The following SIPA1L1 variants were observed in gnomAD, a reference collection of about 807,000 sequenced individuals.
SIPA1L1 encodes the protein signal-induced proliferation-associated 1-like protein 1.
In SIPA1L1, 26 loss-of-function variants were observed where a neutral mutation model predicts 162.7. The observed-to-expected ratio is 0.16, with a 90% CI of 0.12 to 0.22. SIPA1L1 has a LOEUF of 0.22. SIPA1L1 is among the 10% of genes least tolerant of loss of function. SIPA1L1 has a pLI of 1.00. For missense variants in SIPA1L1, 1,874 were observed against 2,241.0 expected, an observed-to-expected ratio of 0.84 and a Z score of 3.31; for synonymous variants, 829 against 837.4, an observed-to-expected ratio of 0.99 and a Z score of 0.17.
At chr14:71,502,084 T>C (rs928072531) in intron 2 of SIPA1L1, among the ~76,000 whole-genome samples, 4 of 149,174 alleles carry the variant, frequency 2.7e-5, no homozygotes, top group African/African-American at 4.9e-5. Flanking sequence ...TTTTTTTTTT[T>C]TTCTTCTGTG....
intron 4 of SIPA1L1, among the ~76,000 whole-genome samples, chr14:71,531,869 G>A (rs976155400): frequency 2.0e-5 from 3 of 152,134 alleles, no homozygotes; most frequent in Non-Finnish European, 4.4e-5. Flanking sequence ...ACTATTGGGG[G>A]AGTCCTGTTA....
At position 71,588,986 on chromosome 14, in the gene SIPA1L1, G is replaced by A; in HGVS notation, c.1114G>A (p.Val372Ile). ...GASAAAVASL[V>I]SGPLSHSASF... ...TTCCGCAGCTGCCGTGGCATCCTTGGTCTCTGGACCTCTGTCTCATTCAGC... is the reference window on the plus strand; with the variant it reads ...TTCCGCAGCTGCCGTGGCATCCTTGATCTCTGGACCTCTGTCTCATTCAGC... The change falls in exon 5 of 24, where the codon GTC becomes ATC. Residue 372 changes from valine to isoleucine, a missense_variant. Coordinates refer to ENST00000381232, the MANE Select transcript of SIPA1L1 (RefSeq NM_001386936.1). The surrounding 1 kb of genome is among the most constrained non-coding windows in gnomAD (Gnocchi z 4.3). 3.1e-6 allele frequency: 5 copies of A among 1,614,114 alleles called. No homozygotes were observed. The highest frequency in any genetic ancestry group is 4.2e-6 in the Non-Finnish European group (5 of 1,179,984).
intron 3 of SIPA1L1, among the ~76,000 whole-genome samples, chr14:71,515,406 A>G (rs1437476229): frequency 2.0e-5 from 3 of 152,198 alleles, no homozygotes; most frequent in Non-Finnish European, 1.5e-5. Flanking sequence ...AACCTGTATA[A>G]TTGCTTCTTA....
chr14:71,419,558 C>T lies in SIPA1L1; in HGVS notation c.-464-93185C>T, dbSNP rs376265008. 7.1e-3 allele frequency among the ~76,000 whole-genome samples: 976 copies of T among 138,064 alleles called. 9 individuals are homozygous for T. The highest frequency in any genetic ancestry group is 0.025 in the African/African-American group (913 of 36,326). The allele number at this position is 138,064 out of a possible 152,430, so 90.6% of individuals were successfully genotyped here. ...CAGGCCGGACTGCGGACTGCAGTGG[C>T]GCAATCTCGGCTCACTGCAAGCTCC... On this transcript the variant is annotated intron_variant, in intron 2 of 23. Coordinates refer to ENST00000381232, the MANE Select transcript of SIPA1L1 (RefSeq NM_001386936.1).
intron 2 of SIPA1L1, among the ~76,000 whole-genome samples, chr14:71,416,632 T>G (rs1188612164): frequency 6.6e-6 from 1 of 151,970 alleles, no homozygotes; most frequent in African/African-American, 2.4e-5. Context: ...ACTCTTCGCC[T>G]TCTAAGTGTA....
At chr14:71,554,828 CT>C (rs1178567591) in intron 4 of SIPA1L1, among the ~76,000 whole-genome samples, 19 of 151,758 alleles carry the variant, frequency 1.3e-4, no homozygotes, top group African/African-American at 4.4e-4. Flanking sequence ...GTGATGAACC[CT>C]TTTTTTGCAC....
chr14:71,654,419 C>T (rs112022080), intron 8 of SIPA1L1, among the ~76,000 whole-genome samples: 4 of 152,086 alleles, frequency 2.6e-5, no homozygotes, highest in African/African-American at 7.2e-5. Flanking sequence ...TAGCTACGTA[C>T]GTGGATTATT....
intron 17 of SIPA1L1, among the ~76,000 whole-genome samples, chr14:71,717,591 A>G (rs927991893): frequency 6.6e-5 from 10 of 152,230 alleles, no homozygotes; most frequent in Non-Finnish European, 1.0e-4. Flanking sequence ...TTAACATGAA[A>G]TTTCCAGGAT....
intron 2 of SIPA1L1, among the ~76,000 whole-genome samples, chr14:71,425,181 C>T (rs556660106): frequency 6.6e-6 from 1 of 152,028 alleles, no homozygotes; most frequent in African/African-American, 2.4e-5. Context: ...AAATATTTGT[C>T]AATTTTGTTG....
At chr14:71,466,473 T>C (rs1223928673) in intron 2 of SIPA1L1, among the ~76,000 whole-genome samples, 1 of 151,992 alleles carries the variant, frequency 6.6e-6, no homozygotes, top group African/African-American at 2.4e-5. Context: ...AGTGGAGTTC[T>C]CTAAGGAAAC....
At chr14:71,450,188 T>A (rs2045710283) in intron 2 of SIPA1L1, among the ~76,000 whole-genome samples, 1 of 152,158 alleles carries the variant, frequency 6.6e-6, no homozygotes, top group Non-Finnish European at 1.5e-5. Context: ...AATATACAGA[T>A]ATACCAGAAA....
chr14:71,442,387 T>A (rs189051908), intron 2 of SIPA1L1, among the ~76,000 whole-genome samples: 29 of 152,108 alleles, frequency 1.9e-4, no homozygotes, highest in African/African-American at 6.5e-4. Context: ...CATAAGAAGG[T>A]TTGCCAAAGC....
intron 2 of SIPA1L1, among the ~76,000 whole-genome samples, chr14:71,404,625 A>T (rs2041915429): frequency 6.6e-6 from 1 of 152,170 alleles, no homozygotes; most frequent in Admixed American, 6.5e-5. Context: ...ATACATTTTT[A>T]TTGTAAGTTT....
chr14:71,667,030 CT>C (rs2044080456), intron 10 of SIPA1L1, among the ~76,000 whole-genome samples: 1 of 152,142 alleles, frequency 6.6e-6, no homozygotes, highest in African/African-American at 2.4e-5. Flanking sequence ...AGACAAGAAT[CT>C]GATTATGTCA....
chr14:71,499,289 G>T (rs1013795207), intron 2 of SIPA1L1, among the ~76,000 whole-genome samples: 1 of 152,146 alleles, frequency 6.6e-6, no homozygotes. Context: ...GCTGTAGTGG[G>T]CTATGATCGT....
At chr14:71,699,558 A>C (rs1314225999) in intron 14 of SIPA1L1, among the ~76,000 whole-genome samples, 3 of 152,166 alleles carry the variant, frequency 2.0e-5, no homozygotes, top group African/African-American at 7.2e-5. Context: ...TGGACCACAC[A>C]CTTTGAGGAA....
chr14:71,703,804 G>C (rs1296510909), intron 15 of SIPA1L1, among the ~76,000 whole-genome samples: 3 of 152,168 alleles, frequency 2.0e-5, no homozygotes, highest in Non-Finnish European at 4.4e-5. Flanking sequence ...GTCACACGGA[G>C]TGAGAAGGGA....
At chr14:71,686,725 C>G (rs1596980313) in intron 13 of SIPA1L1, among the ~76,000 whole-genome samples, 1 of 152,104 alleles carries the variant, frequency 6.6e-6, no homozygotes. Flanking sequence ...CAACTTCTTT[C>G]TGTCCATCCA....
At chr14:71,423,101 A>G (rs1243552633) in intron 2 of SIPA1L1, among the ~76,000 whole-genome samples, 1 of 152,084 alleles carries the variant, frequency 6.6e-6, no homozygotes, top group Non-Finnish European at 1.5e-5. Flanking sequence ...TTATGTGCTT[A>G]TTGGCCATTT....
Sources: allele counts gnomAD v4.1 joint callset (sites outside exome capture counted in the v4.1 genomes callset), GRCh38; gene constraint gnomAD v4.1.1; non-coding constraint Gnocchi (gnomAD v3.1); transcripts MANE v1.5; gene names NCBI Gene and HGNC (gene_info 2026-07-23, HGNC 2026-07-21).